The following FBXL2 variants were observed in gnomAD, a reference collection of about 807,000 sequenced individuals.
The protein encoded by FBXL2 is F-box/LRR-repeat protein 2.
Under a neutral mutation model 69.2 loss-of-function variants are expected in FBXL2, and 38 were observed. The observed-to-expected ratio is 0.55, with a 90% CI of 0.42 to 0.72. The LOEUF is 0.72. Ranked by LOEUF, FBXL2 falls within the 30% of genes least tolerant of loss-of-function variation. The probability of loss-of-function intolerance (pLI) is 0.00; values close to 1 mark genes in which losing one functional copy is unlikely to be tolerated. For synonymous variants in FBXL2, 192 were observed against 201.3 expected, an observed-to-expected ratio of 0.95 and a Z score of 0.39; for missense variants, 354 against 520.3, an observed-to-expected ratio of 0.68 and a Z score of 3.11.
chr3:33,359,559 T>C (rs960366072), intron 4 of FBXL2, among the ~76,000 whole-genome samples: 1 of 152,188 alleles, frequency 6.6e-6, no homozygotes, highest in African/African-American at 2.4e-5. Flanking sequence ...CAGATTTTTT[T>C]CCCTTGTTTA....
intron 12 of FBXL2, chr3:33,403,183 A>G: frequency 3.1e-6 from 1 of 325,130 alleles, no homozygotes; most frequent in Non-Finnish European, 5.8e-6. Flanking sequence ...CTTAAGTATA[A>G]TTGCTTTGAA....
intron 2 of FBXL2, among the ~76,000 whole-genome samples, chr3:33,335,101 AAATAAT>A (rs148912671): frequency 7.9e-5 from 12 of 151,144 alleles, no homozygotes; most frequent in South Asian, 2.1e-4. Context: ...ACCTTGTCTC[AAATAAT>A]AATAATAATA....
chr3:33,335,601 A>G (rs1002436493), intron 2 of FBXL2, among the ~76,000 whole-genome samples: 3 of 152,210 alleles, frequency 2.0e-5, no homozygotes, highest in Non-Finnish European at 4.4e-5. Context: ...TATTCTGGTG[A>G]TAGAAGCATA....
chr3:33,318,086 ATT>A (rs901579721), intron 2 of FBXL2, among the ~76,000 whole-genome samples: 2 of 152,004 alleles, frequency 1.3e-5, no homozygotes, highest in African/African-American at 4.8e-5. Context: ...CTCTAAATTC[ATT>A]CTTAGACTGT....
chr3:33,297,642 TC>T (rs2035862755), intron 1 of FBXL2, 21 bp from the exon 2 acceptor site: 2 of 1,451,730 alleles, frequency 1.4e-6, no homozygotes, highest in Non-Finnish European at 1.9e-6. Context: ...TTTCACAATT[TC>T]CTTTTTTTTT....
chr3:33,358,926 T>G (rs1336465253), intron 2 of FBXL2, 41 bp from the exon 3 acceptor site: 13 of 1,280,796 alleles, frequency 1.0e-5, no homozygotes, highest in Non-Finnish European at 1.3e-5. Context: ...CCTGAAATGT[T>G]AACACCATCT....
chr3:33,411,971 G>A, the FBXL2 span, among the ~76,000 whole-genome samples: 8 of 152,136 alleles, frequency 5.3e-5, no homozygotes, highest in Non-Finnish European at 1.0e-4. Context: ...TGGATAACCC[G>A]AGGTCAGGAG....
chr3:33,403,644 G>A (rs1217073617), exon 13 of FBXL2: 1 of 151,512 alleles, frequency 6.6e-6, no homozygotes, highest in African/African-American at 2.4e-5. Context: ...AAGGGTTATG[G>A]TGAACTTTAA....
intron 13 of FBXL2, chr3:33,383,020 T>C (rs1020357986): frequency 2.0e-5 from 3 of 152,252 alleles, no homozygotes; most frequent in Non-Finnish European, 4.4e-5. Context: ...TAGGATTAGC[T>C]CCTAATCCTT....
chr3:33,288,573 A>G lies in FBXL2; in HGVS notation c.4-9091A>G, dbSNP rs368109034. ...GTGACATTTGAGCAGAGGATATGCC[A>G]TGGGAATGCCTGAAGAAAGACTGTG... On this transcript the variant is annotated intron_variant, in intron 1 of 14. Coordinates refer to ENST00000484457, the MANE Select transcript of FBXL2 (RefSeq NM_012157.5). 7.9e-5 allele frequency among the ~76,000 whole-genome samples: 12 copies of G among 152,328 alleles called. No individual in the cohort carries two copies. The East Asian group carries it at 1.4e-3, about 17-fold the overall frequency.
In FBXL2 at chr3:33,291,752, G is replaced by A. The variant is rs56674686; in HGVS notation, c.4-5912G>A. 9.4e-3 allele frequency among the ~76,000 whole-genome samples: 1,437 copies of A among 152,168 alleles called. 25 individuals carry two copies. Among genetic ancestry groups the A allele is most frequent in the African/African-American group, 0.033 (1,382 of 41,498 alleles). On this transcript the variant is annotated intron_variant, in intron 1 of 14. Transcript: ENST00000484457. ...AATATCACATTATGGAAAAAGTCAG[G>A]AAAGCAGAATAGAGGAACAAAGAAG...
chr3:33,285,436 G>T (rs1378792282), intron 1 of FBXL2, among the ~76,000 whole-genome samples: 1 of 152,186 alleles, frequency 6.6e-6, no homozygotes, highest in East Asian at 1.9e-4. Context: ...GCTTCCCTTT[G>T]TGGGTAACCC....
At chr3:33,409,623 A>G in the FBXL2 span, 2 of 1,614,008 alleles carry the variant, frequency 1.2e-6, no homozygotes, top group Non-Finnish European at 1.7e-6. Context: ...TTCAGGCTGA[A>G]ATGGATTCAA....
At chr3:33,304,140 A>T (rs1272801585) in intron 2 of FBXL2, among the ~76,000 whole-genome samples, 1 of 152,118 alleles carries the variant, frequency 6.6e-6, no homozygotes, top group Non-Finnish European at 1.5e-5. Flanking sequence ...GCAGCATTTT[A>T]AAAACTTCAG....
At chr3:33,288,095 A>T (rs1032337493) in intron 1 of FBXL2, among the ~76,000 whole-genome samples, 4 of 152,202 alleles carry the variant, frequency 2.6e-5, no homozygotes, top group African/African-American at 9.6e-5. Context: ...TTCCAGCACT[A>T]GGGTGGCCAT....
In FBXL2 at chr3:33,378,118, G is replaced by C; in HGVS notation, c.865G>C (p.Glu289Gln). 1 of 1,614,186 alleles carries C rather than the reference G, an allele frequency of 6.2e-7. No individual in the cohort carries two copies. The highest frequency in any genetic ancestry group is 1.1e-5 in the South Asian group (1 of 91,084). ...TLLARNCHEL[E>Q]KMDLEECILI... The stretch of plus-strand genomic sequence containing the variant: ...ACTCTTCCAGAATTGCCACGAATTG[G>C]AGAAGATGGATCTTGAAGAATGCAT... The change falls in exon 12 of 15, where the codon GAG becomes CAG. Residue 289 changes from glutamate (E) to glutamine (Q), a missense_variant. Glu to Gln is a conservative substitution (Grantham distance 29). Transcript: ENST00000484457.
At chr3:33,400,229 G>A in intron 12 of FBXL2, 1 of 1,604,152 alleles carries the variant, frequency 6.2e-7, no homozygotes, top group African/African-American at 1.3e-5. Flanking sequence ...AAGAGAATCT[G>A]TTTTTGAGCA....
chr3:33,294,106 AT>A (rs1163913254), intron 1 of FBXL2, among the ~76,000 whole-genome samples: 2 of 151,992 alleles, frequency 1.3e-5, no homozygotes, highest in Admixed American at 6.6e-5. Flanking sequence ...AATAACATTT[AT>A]TTTTTTTGAG....
intron 12 of FBXL2, among the ~76,000 whole-genome samples, chr3:33,394,943 T>C (rs776073525): frequency 6.6e-6 from 1 of 151,878 alleles, no homozygotes; most frequent in Non-Finnish European, 1.5e-5. Context: ...ATGTATGATC[T>C]AAAGAGATGG....
Sources: allele counts gnomAD v4.1 joint callset (sites outside exome capture counted in the v4.1 genomes callset), GRCh38; gene constraint gnomAD v4.1.1; transcripts MANE v1.5; gene names NCBI Gene and HGNC (gene_info 2026-07-23, HGNC 2026-07-21).